ABHD2: variants seen among roughly 807,000 people sequenced by gnomAD.
ABHD2 encodes monoacylglycerol lipase ABHD2.
In ABHD2, 20 loss-of-function variants were observed where a neutral mutation model predicts 48.1. The observed-to-expected ratio is 0.42, with a 90% confidence interval of 0.29 to 0.60. The LOEUF (loss-of-function observed/expected upper bound fraction) is 0.60. Among genes scored for constraint, ABHD2 ranks in the 20% least tolerant of loss-of-function variants. The pLI is 0.24. For synonymous variants in ABHD2, 209 were observed against 214.2 expected, an observed-to-expected ratio of 0.98 and a Z score of 0.21; for missense variants, 405 against 550.9, an observed-to-expected ratio of 0.74 and a Z score of 2.65.
In ABHD2 at chr15:89,176,022, G is replaced by A; in HGVS notation, c.722+27G>A. Reference sequence around the variant, plus strand: ...TGAGTCATCTCCGCCTTCCATCAGGGCCTTCAGTTAGCCCTTATTTATAGA... The same window carrying A: ...TGAGTCATCTCCGCCTTCCATCAGGACCTTCAGTTAGCCCTTATTTATAGA... On this transcript the variant is annotated intron_variant, in intron 6 of 10. Coordinates refer to ENST00000352732, the MANE Select transcript of ABHD2 (RefSeq NM_152924.5). This position sits in a 1 kb window ranked among gnomAD's most constrained non-coding sequence, Gnocchi z 4.5. 6.4e-7 allele frequency: 1 copy of A among 1,569,278 alleles called. No individual in the cohort carries two copies. The highest frequency in any genetic ancestry group is 1.2e-5 in the South Asian group (1 of 86,090).
In ABHD2 at chr15:89,123,202, G is replaced by A. The variant is rs147865763; in HGVS notation, c.194+6681G>A. Among the ~76,000 whole-genome samples the A allele has an allele frequency of 2.1e-4, 32 of 152,314 alleles. 1 individual carries two copies. The East Asian group carries it at 5.2e-3, about 25-fold the overall frequency. On this transcript the variant is annotated intron_variant, in intron 3 of 10. Coordinates refer to ENST00000352732, the MANE Select transcript of ABHD2 (RefSeq NM_152924.5). ...CATGGTGCCCTCTCTGGACGTGTCCGCCTGGAAGCTGCTTCAGGTAGTCAT... is the reference window on the plus strand; with the variant it reads ...CATGGTGCCCTCTCTGGACGTGTCCACCTGGAAGCTGCTTCAGGTAGTCAT...
Position 89,151,957 on chromosome 15 carries a change from G to A in ABHD2, c.370+105G>A, listed in dbSNP as rs755809804. ...ACTTGTGCCACTGACTCTGCCCATG[G>A]CATCAGGGGCTGTTGGGAAGCCTGC... On this transcript the variant is annotated intron_variant, in intron 4 of 10. Coordinates refer to ENST00000352732, the MANE Select transcript of ABHD2 (RefSeq NM_152924.5). This position sits in a 1 kb window ranked among gnomAD's most constrained non-coding sequence, Gnocchi z 4.7. 19 of 1,410,570 alleles carry A rather than the reference G, an allele frequency of 1.3e-5. No homozygotes were observed. The highest frequency in any genetic ancestry group is 1.8e-5 in the Non-Finnish European group (19 of 1,045,624). The allele number at this position is 1,410,570 out of a possible 1,614,324, so 87.4% of individuals were successfully genotyped here. A position where few individuals can be genotyped will look rare whatever the true frequency, so the allele number is the denominator to read the frequency against.
intron 1 of ABHD2, among the ~76,000 whole-genome samples, chr15:89,105,393 C>CG (rs1567068715): frequency 6.6e-6 from 1 of 152,158 alleles, no homozygotes; most frequent in East Asian, 1.9e-4. Flanking sequence ...CTTGACTCCC[C>CG]CTGAGAACTT....
chr15:89,152,485 A>G (rs1335844984), intron 4 of ABHD2, among the ~76,000 whole-genome samples: 1 of 152,210 alleles, frequency 6.6e-6, no homozygotes, highest in Non-Finnish European at 1.5e-5. Flanking sequence ...GGTTGATGAC[A>G]GCAACAGAGG....
At position 89,195,375 on chromosome 15, in the gene ABHD2, C is replaced by G; in HGVS notation, c.1230C>G (p.Asn410Lys). 1 of 1,614,188 alleles carries G rather than the reference C, an allele frequency of 6.2e-7. No homozygotes were observed. The highest frequency in any genetic ancestry group is 8.5e-7 in the Non-Finnish European group (1 of 1,180,040). Residue 410 changes from asparagine to lysine, a missense_variant, in exon 11 of 11, where the codon AAC becomes AAG. Coordinates refer to ENST00000352732, the MANE Select transcript of ABHD2 (RefSeq NM_152924.5). The surrounding 1 kb of genome is among the most constrained non-coding windows in gnomAD (Gnocchi z 5.1). Reference protein sequence around the residue: ...YANAICQWERNKLQCSDTEQV... With the variant: ...YANAICQWERKKLQCSDTEQV... ...ACGCCATTTGCCAATGGGAGCGTAA[C>G]AAGTTGCAGTGCTCTGACACGGAGC...
At chr15:89,170,839 C>T (rs948443667) in intron 5 of ABHD2, among the ~76,000 whole-genome samples, 15 of 152,096 alleles carry the variant, frequency 9.9e-5, no homozygotes, top group African/African-American at 3.6e-4. Flanking sequence ...CAAAAGAGGC[C>T]GGGCGCGGTG....
At chr15:89,096,654 T>C (rs1322021058) in intron 1 of ABHD2, among the ~76,000 whole-genome samples, 1 of 152,220 alleles carries the variant, frequency 6.6e-6, no homozygotes, top group African/African-American at 2.4e-5. Context: ...ATTGGTTTTC[T>C]GCCTTGAGGT....
rs530132587 is a variant in ABHD2 at position 89,151,249 on chromosome 15, C to A, written c.195-428C>A. On this transcript the variant is annotated intron_variant, in intron 3 of 10. Transcript: ENST00000352732. This position sits in a 1 kb window ranked among gnomAD's most constrained non-coding sequence, Gnocchi z 4.7. ...TAACCACTACAGCTGTGGCCTGTCT[C>A]GTTAGGGAAAGAAGAAGTGAGCTTT... Among the ~76,000 whole-genome samples the A allele has an allele frequency of 6.6e-6, 1 of 152,180 alleles. No homozygotes were observed. Among genetic ancestry groups the A allele is most frequent in the Non-Finnish European group, 1.5e-5 (1 of 68,030 alleles).
In ABHD2 at chr15:89,195,307, G is replaced by A. The variant is rs370942946; in HGVS notation, c.1162G>A (p.Glu388Lys). 4.9e-5 allele frequency: 79 copies of A among 1,614,080 alleles called. No homozygotes were observed. The African/African-American group carries it at 6.8e-4, about 14-fold the overall frequency. Residue 388 changes from glutamate to lysine, a missense_variant, in exon 11 of 11, where the codon GAG becomes AAG. Coordinates refer to ENST00000352732, the MANE Select transcript of ABHD2 (RefSeq NM_152924.5). The surrounding 1 kb of genome is among the most constrained non-coding windows in gnomAD (Gnocchi z 5.1). Reference sequence around the variant, plus strand: ...CTTTGAGGGCTCTGTGCTGTTCCCCGAGCCCCTGACATGGATGGATAAGCT... The same window carrying A: ...CTTTGAGGGCTCTGTGCTGTTCCCCAAGCCCCTGACATGGATGGATAAGCT... ...GFFEGSVLFP[E>K]PLTWMDKLVV...
chr15:89,056,908 CTTT>C, the ABHD2 span, among the ~76,000 whole-genome samples: 1 of 87,452 alleles, frequency 1.1e-5, no homozygotes, highest in East Asian at 3.9e-4. Flanking sequence ...TAAGTGATAC[CTTT>C]TTTTTTTTTT....
chr15:89,104,008 C>T lies in ABHD2; in HGVS notation c.-106-9717C>T, dbSNP rs2049742871. 1 of 152,234 alleles carries T rather than the reference C, an allele frequency of 6.6e-6. No individual in the cohort carries two copies. Among genetic ancestry groups the T allele is most frequent in the Non-Finnish European group, 1.5e-5 (1 of 68,050 alleles). The allele number at this position is 152,234 out of a possible 1,614,324, so 9.4% of individuals were successfully genotyped here. ...TGACCTTCAGGCCTTCTGCTCTAAA[C>T]TGGCAGGAGATCCTGTTTCTACTCA... On this transcript the variant is annotated intron_variant, in intron 1 of 10. Coordinates refer to ENST00000352732, the MANE Select transcript of ABHD2 (RefSeq NM_152924.5). This position sits in a 1 kb window ranked among gnomAD's most constrained non-coding sequence, Gnocchi z 4.4.
At chr15:89,079,004 A>ATTAC in the ABHD2 span, among the ~76,000 whole-genome samples, 2 of 152,178 alleles carry the variant, frequency 1.3e-5, no homozygotes. This position sits in a 1 kb window ranked among gnomAD's most constrained non-coding sequence, Gnocchi z 4.3. Flanking sequence ...AAGTGCTGGG[A>ATTAC]TTACAGGCAT....
At chr15:89,134,930 A>T (rs1241311297) in intron 3 of ABHD2, among the ~76,000 whole-genome samples, 2 of 152,096 alleles carry the variant, frequency 1.3e-5, no homozygotes, top group Non-Finnish European at 2.9e-5. Context: ...TGTAGAACCT[A>T]CTTTTTCCTA....
At chr15:89,133,847 T>TG (rs1487406617) in intron 3 of ABHD2, among the ~76,000 whole-genome samples, 4 of 148,830 alleles carry the variant, frequency 2.7e-5, no homozygotes, top group African/African-American at 1.0e-4. Flanking sequence ...TTTTTTTTTT[T>TG]TTTTTTTGAG....
intron 10 of ABHD2, chr15:89,193,601 T>C: frequency 2.1e-6 from 1 of 465,564 alleles, no homozygotes; most frequent in Non-Finnish European, 3.8e-6. Flanking sequence ...TATGAGATTA[T>C]CTCAGGGTTA....
chr15:89,104,439 T>C lies in ABHD2; in HGVS notation c.-106-9286T>C, dbSNP rs1255916700. On this transcript the variant is annotated intron_variant, in intron 1 of 10. Transcript: ENST00000352732. The surrounding 1 kb of genome is among the most constrained non-coding windows in gnomAD (Gnocchi z 4.4). Reference sequence around the variant, plus strand: ...CTCACAAATGCCTGCCATGGTGAAATGCAAGACTGTTAGAGTGATAATGGG... The same window carrying C: ...CTCACAAATGCCTGCCATGGTGAAACGCAAGACTGTTAGAGTGATAATGGG... Among the ~76,000 whole-genome samples the C allele has an allele frequency of 2.0e-5, 3 of 152,106 alleles. No individual in the cohort carries two copies. The highest frequency in any genetic ancestry group is 7.2e-5 in the African/African-American group (3 of 41,420).
chr15:89,122,626 G>A (rs1338095928), intron 3 of ABHD2, among the ~76,000 whole-genome samples: 1 of 152,216 alleles, frequency 6.6e-6, no homozygotes, highest in African/African-American at 2.4e-5. Context: ...GACAACCCCA[G>A]GCATATGCAT....
At chr15:89,057,455 C>T in the ABHD2 span, among the ~76,000 whole-genome samples, 9 of 152,118 alleles carry the variant, frequency 5.9e-5, no homozygotes, top group Admixed American at 5.9e-4. Context: ...GGGGACTGGC[C>T]GCCTCTGGAA....
intron 3 of ABHD2, among the ~76,000 whole-genome samples, chr15:89,142,353 A>G (rs185313796): frequency 1.3e-5 from 2 of 152,354 alleles, no homozygotes; most frequent in Admixed American, 1.3e-4. Flanking sequence ...TAAATTCTTG[A>G]TGCTAGAACC....
Sources: gnomAD v4.1 joint callset for allele counts (sites outside exome capture counted in the v4.1 genomes callset) on GRCh38, gnomAD v4.1.1 for gene constraint, Gnocchi (gnomAD v3.1) non-coding constraint, MANE v1.5 for transcripts, NCBI Gene and HGNC (gene_info 2026-07-23, HGNC 2026-07-21) for gene names.